Variants in TTLL9 observed in about 807,000 individuals in gnomAD.
TTLL9 encodes the protein probable tubulin polyglutamylase TTLL9.
Under a neutral mutation model 65.6 loss-of-function variants are expected in TTLL9, and 47 were observed. The observed-to-expected ratio is 0.72, with a 90% CI of 0.57 to 0.91. TTLL9 has a LOEUF of 0.91. Among genes scored for constraint, TTLL9 ranks in the 40% least tolerant of loss-of-function variants. The pLI, the probability that TTLL9 is intolerant of heterozygous loss-of-function variation, is 0.00. For missense variants in TTLL9, 537 were observed against 568.8 expected (o/e 0.94, Z 0.57); for synonymous variants, 179 against 204.8 (o/e 0.87, Z 1.07).
intron 12 of TTLL9, 45 bp downstream of exon 12, chr20:31,934,933 T>G: frequency 6.4e-7 from 1 of 1,564,890 alleles, no homozygotes; most frequent in Non-Finnish European, 8.7e-7. Flanking sequence ...GTTTGCATAC[T>G]CGGCACCCAG....
chr20:31,891,071 G>A (rs969577228), intron 3 of TTLL9, among the ~76,000 whole-genome samples: 5 of 152,150 alleles, frequency 3.3e-5, no homozygotes, highest in African/African-American at 9.7e-5. Context: ...ACAAACCCAG[G>A]GTATAGAGCT....
At chr20:31,872,370 A>G (rs1191315391) in intron 2 of TTLL9, among the ~76,000 whole-genome samples, 1 of 151,936 alleles carries the variant, frequency 6.6e-6, no homozygotes, top group Non-Finnish European at 1.5e-5. Context: ...GCAATATACT[A>G]AAACCCCATC....
intron 2 of TTLL9, 84 bp downstream of exon 2, chr20:31,871,279 T>A: frequency 1.4e-6 from 2 of 1,467,860 alleles, no homozygotes; most frequent in Non-Finnish European, 9.5e-7. Flanking sequence ...GAGGTCAGGG[T>A]CCTGGAAGGG....
Position 31,937,478 on chromosome 20 carries a change from G to T in TTLL9, c.1087G>T (p.Asp363Tyr). 1 of 1,613,848 alleles carries T rather than the reference G, an allele frequency of 6.2e-7. No individual in the cohort carries two copies. Among genetic ancestry groups the T allele is most frequent in the Non-Finnish European group, 8.5e-7 (1 of 1,179,838 alleles). Residue 363 changes from aspartate to tyrosine, a missense_variant, in exon 13 of 15, where the codon GAC (aspartate) becomes TAC (tyrosine). Physicochemically the swap from Asp to Tyr is radical, Grantham distance 160. Around this residue, in one of 3 missense-constraint regions of TTLL9, gnomAD observed 205 missense variants for 225.9 expected, o/e 0.91. Transcript: ENST00000535842. The part of the protein sequence containing the change: ...DYELKTCLLE[D>Y]TLHVVDMEAR... ...TGAGCTCAAGACCTGCCTCCTGGAA[G>T]ACACCCTGCATGTTGTGGACATGGA...
chr20:31,943,983 G>T lies in TTLL9; in HGVS notation c.*962G>T. The stretch of plus-strand genomic sequence containing the variant: ...TCCCTCTACCACTCCGCCTGCTTCA[G>T]AGTAGTTTCTCTGGCTGCAAATGGT... On this transcript the variant is annotated 3_prime_UTR_variant, in exon 15 of 15. Transcript: ENST00000535842. 2.8e-6 allele frequency: 1 copy of T among 359,684 alleles called. No homozygotes were observed. Among genetic ancestry groups the T allele is most frequent in the Non-Finnish European group, 5.6e-6 (1 of 179,564 alleles). The allele number at this position is 359,684 out of a possible 1,614,324, so 22.3% of individuals were successfully genotyped here.
chr20:31,934,740 C>T lies in TTLL9; in HGVS notation c.856C>T (p.His286Tyr), dbSNP rs370215211. The change falls in exon 12 of 15, where the codon CAC (histidine) becomes TAC (tyrosine). Residue 286 changes from histidine (H) to tyrosine (Y), a missense_variant. Around this residue, in one of 3 missense-constraint regions of TTLL9, gnomAD observed 205 missense variants for 225.9 expected, o/e 0.91. Transcript: ENST00000535842. ...QRFRQYLASKHGPEAVETLFR... is the reference protein window; with the variant it reads ...QRFRQYLASKYGPEAVETLFR... ...CTTCCGGCAGTACCTGGCGTCCAAA[C>T]ACGGGCCCGAGGCAGTGGAGACACT... 6.6e-5 allele frequency: 106 copies of T among 1,612,606 alleles called. No homozygotes were observed. Among genetic ancestry groups the T allele is most frequent in the Non-Finnish European group, 8.4e-5 (99 of 1,179,944 alleles).
Position 31,939,172 on chromosome 20 carries a change from CT to C in TTLL9, c.1152del (p.Phe384LeufsTer26). On this transcript the variant is annotated frameshift_variant, in exon 14 of 15. Transcript: ENST00000535842. LOFTEE classifies it high-confidence loss of function. ...CGGGAAGGGAGAAGCGAGTCGGGGG[CT>C]TTGACCTCATGTGGAATGATGGCCC... ...LTGREKRVGGFDLMWNDGPVS... is the reference protein window; with the variant it reads ...LTGREKRVGGXDLMWNDGPVS... 6.2e-7 allele frequency: 1 copy of C among 1,607,006 alleles called. No homozygotes were observed. Among genetic ancestry groups the C allele is most frequent in the Non-Finnish European group, 8.5e-7 (1 of 1,176,822 alleles).
chr20:31,881,875 T>A (rs1313541029), intron 2 of TTLL9, among the ~76,000 whole-genome samples: 1 of 152,186 alleles, frequency 6.6e-6, no homozygotes, highest in East Asian at 1.9e-4. Flanking sequence ...CAGTCTACAC[T>A]GTGAATATAG....
chr20:31,900,181 C>T (rs867123645), intron 4 of TTLL9, among the ~76,000 whole-genome samples: 1 of 152,192 alleles, frequency 6.6e-6, no homozygotes, highest in Admixed American at 6.5e-5. Context: ...TGCCCTGCTG[C>T]GTGGTGCTCA....
At chr20:31,873,826 A>AAGAAAGAAAGAAAG (rs1456400960) in intron 2 of TTLL9, among the ~76,000 whole-genome samples, 2 of 29,864 alleles carry the variant, frequency 6.7e-5, no homozygotes, top group African/African-American at 2.9e-4. Context: ...GGAAGGAAGA[A>AAGAAAGAAAGAAAG]AGAAAGAAAG....
At chr20:31,879,607 A>G in intron 2 of TTLL9, 1 of 477,166 alleles carries the variant, frequency 2.1e-6, no homozygotes, top group Admixed American at 3.4e-5. Context: ...CGTGGGGCAG[A>G]GGGAGCCAGC....
chr20:31,871,882 T>C (rs2062939049), intron 2 of TTLL9, among the ~76,000 whole-genome samples: 1 of 152,240 alleles, frequency 6.6e-6, no homozygotes, highest in Admixed American at 6.5e-5. Context: ...AGTTAATTGT[T>C]GATAATATTT....
intron 6 of TTLL9, among the ~76,000 whole-genome samples, chr20:31,914,663 AAAG>A (rs2063707786): frequency 6.6e-6 from 1 of 152,200 alleles, no homozygotes; most frequent in Admixed American, 6.5e-5. Context: ...GGAAGCGAAG[AAAG>A]AAGAGAGGGA....
At chr20:31,923,332 C>A (rs1337144131) in intron 8 of TTLL9, among the ~76,000 whole-genome samples, 1 of 152,218 alleles carries the variant, frequency 6.6e-6, no homozygotes, top group Admixed American at 6.5e-5. Context: ...TATAAAGCAC[C>A]TACTTGGTGG....
At chr20:31,874,872 C>T (rs917432964) in intron 2 of TTLL9, among the ~76,000 whole-genome samples, 7 of 152,072 alleles carry the variant, frequency 4.6e-5, no homozygotes, top group African/African-American at 1.7e-4. Context: ...GTTTGCAGAT[C>T]GAAGGGGGCC....
chr20:31,931,078 C>CTTT (rs60315473), intron 10 of TTLL9, among the ~76,000 whole-genome samples: 10 of 125,230 alleles, frequency 8.0e-5, no homozygotes, highest in South Asian at 2.6e-4. Flanking sequence ...TCCTCTTTTC[C>CTTT]TTTTTTTTTT....
intron 3 of TTLL9, among the ~76,000 whole-genome samples, chr20:31,887,834 G>C (rs931176154): frequency 1.1e-4 from 10 of 94,348 alleles, no homozygotes; most frequent in African/African-American, 4.3e-4. Context: ...TTTATTCTTT[G>C]GTTCATTAGA....
intron 3 of TTLL9, among the ~76,000 whole-genome samples, chr20:31,894,084 A>G (rs1280081572): frequency 7.2e-6 from 1 of 138,388 alleles, no homozygotes; most frequent in Non-Finnish European, 1.6e-5. Context: ...CCCTTCTAGA[A>G]TTTCCATTTG....
intron 11 of TTLL9, chr20:31,934,489 T>A (rs1022117940): frequency 2.9e-6 from 2 of 681,810 alleles, no homozygotes; most frequent in Admixed American, 4.1e-5. Context: ...TCTGGGGTCC[T>A]GCATAGCCAG....
Sources: allele counts gnomAD v4.1 joint callset (sites outside exome capture counted in the v4.1 genomes callset), GRCh38; gene constraint gnomAD v4.1.1; regional missense constraint gnomAD v4.1.1; transcripts MANE v1.5; gene names NCBI Gene and HGNC (gene_info 2026-07-23, HGNC 2026-07-21).